GRIN2A: variants seen among roughly 807,000 people sequenced by gnomAD.
GRIN2A encodes the protein glutamate ionotropic receptor NMDA type subunit 2A.
GRIN2A carries 22 observed loss-of-function variants against 113.4 expected under a neutral mutation model. The observed-to-expected ratio is 0.19, with a 90% CI of 0.14 to 0.28. The LOEUF (loss-of-function observed/expected upper bound fraction) is 0.28. GRIN2A is among the 10% of genes least tolerant of loss of function. GRIN2A has a pLI of 1.00. For missense variants in GRIN2A, 1,502 were observed against 1,887.0 expected, an observed-to-expected ratio of 0.80 and a Z score of 3.78; for synonymous variants, 827 against 738.4, an observed-to-expected ratio of 1.12 and a Z score of -1.94.
intron 2 of GRIN2A, among the ~76,000 whole-genome samples, chr16:9,963,158 T>C (rs1051758785): frequency 1.4e-5 from 2 of 147,988 alleles, no homozygotes; most frequent in African/African-American, 4.9e-5. Context: ...TTAGGAGATA[T>C]ACCTAATGCT....
chr16:9,790,859 C>T (rs965827318), intron 11 of GRIN2A, among the ~76,000 whole-genome samples: 1 of 152,146 alleles, frequency 6.6e-6, no homozygotes, highest in Non-Finnish European at 1.5e-5. Flanking sequence ...ATGCCAAGCT[C>T]CACTGAGTCC....
intron 10 of GRIN2A, among the ~76,000 whole-genome samples, chr16:9,800,678 C>T (rs1903304743): frequency 6.6e-6 from 1 of 151,940 alleles, no homozygotes; most frequent in African/African-American, 2.4e-5. Flanking sequence ...AAGCTTTGAT[C>T]TCAAGGTAGG....
At chr16:9,898,309 G>A (rs1195793495) in intron 3 of GRIN2A, among the ~76,000 whole-genome samples, 1 of 152,086 alleles carries the variant, frequency 6.6e-6, no homozygotes, top group South Asian at 2.1e-4. Flanking sequence ...GCTTCCCCTT[G>A]CCATTTAGTA....
At chr16:9,866,303 T>G (rs1263853042) in intron 4 of GRIN2A, among the ~76,000 whole-genome samples, 1 of 152,036 alleles carries the variant, frequency 6.6e-6, no homozygotes, top group African/African-American at 2.4e-5. Flanking sequence ...GTTGTGCAGT[T>G]TGCAAAGGAC....
chr16:9,795,197 C>G (rs1380387592), intron 11 of GRIN2A, among the ~76,000 whole-genome samples: 3 of 151,972 alleles, frequency 2.0e-5, no homozygotes, highest in Admixed American at 2.0e-4. Context: ...AGGAGGTGGG[C>G]AAAAGATATA....
intron 2 of GRIN2A, among the ~76,000 whole-genome samples, chr16:10,164,770 T>A (rs1000417452): frequency 6.6e-6 from 1 of 152,200 alleles, no homozygotes; most frequent in Non-Finnish European, 1.5e-5. Flanking sequence ...ATGAGAAATA[T>A]CAAAGCAGTT....
chr16:10,103,195 T>C (rs72774202), intron 2 of GRIN2A, among the ~76,000 whole-genome samples: 4,624 of 152,076 alleles, frequency 0.03, 141 homozygotes, highest in Non-Finnish European at 0.039. Flanking sequence ...TATGGGAAAA[T>C]GTAAACTTGT....
rs568479196 is a variant in GRIN2A at position 9,787,212 on chromosome 16, G to A, written c.2356+11065C>T. Among the ~76,000 whole-genome samples, 33 of 143,368 alleles carry A rather than the reference G, an allele frequency of 2.3e-4. 1 individual carries two copies. In the South Asian group the frequency reaches 6.9e-3, roughly 30 times the overall value. The allele number at this position is 143,368 out of a possible 152,430, so 94.1% of individuals were successfully genotyped here. ...CTTGAAGAGACTATCTGAGAATCCA[G>A]CATCTTTTAGAGGTCTGAATAGAAA... On this transcript the variant is annotated intron_variant, in intron 11 of 12. Coordinates refer to ENST00000330684, the MANE Select transcript of GRIN2A (RefSeq NM_001134407.3).
At chr16:9,950,405 A>G in intron 2 of GRIN2A, among the ~76,000 whole-genome samples, 1 of 152,080 alleles carries the variant, frequency 6.6e-6, no homozygotes. Context: ...GCCAAGGTAG[A>G]AAAAAGAAAC....
intron 2 of GRIN2A, chr16:10,112,329 G>A (rs1567307349): frequency 7.7e-6 from 5 of 651,232 alleles, no homozygotes; most frequent in Non-Finnish European, 1.1e-5. Context: ...TGACACTGGT[G>A]TGGATGGACT....
intron 2 of GRIN2A, among the ~76,000 whole-genome samples, chr16:10,128,351 G>A (rs1195570962): frequency 2.0e-5 from 3 of 152,206 alleles, no homozygotes; most frequent in Non-Finnish European, 4.4e-5. Flanking sequence ...TCCAAGTGAT[G>A]TCAGAAATGA....
At chr16:9,779,353 C>A (rs1236681690) in intron 11 of GRIN2A, among the ~76,000 whole-genome samples, 1 of 152,206 alleles carries the variant, frequency 6.6e-6, no homozygotes, top group East Asian at 1.9e-4. Context: ...TTTTCAGTTT[C>A]TTTTTTATCG....
chr16:9,779,032 C>G (rs1319444631), intron 11 of GRIN2A, among the ~76,000 whole-genome samples: 1 of 152,190 alleles, frequency 6.6e-6, no homozygotes, highest in Admixed American at 6.5e-5. Context: ...TCACACAAGG[C>G]AAGAATGAAG....
At chr16:10,027,077 T>C (rs1418010792) in intron 2 of GRIN2A, among the ~76,000 whole-genome samples, 1 of 152,246 alleles carries the variant, frequency 6.6e-6, no homozygotes, top group African/African-American at 2.4e-5. Flanking sequence ...GTTATGTTTC[T>C]GTTGGCCTCT....
intron 2 of GRIN2A, among the ~76,000 whole-genome samples, chr16:10,094,596 C>G (rs1037238433): frequency 1.3e-5 from 2 of 152,006 alleles, no homozygotes. Flanking sequence ...AGTACAGGCA[C>G]CCACCACAAT....
intron 3 of GRIN2A, chr16:9,937,572 A>T (rs774403206): frequency 1.2e-4 from 28 of 238,156 alleles, no homozygotes; most frequent in Non-Finnish European, 2.0e-4. Flanking sequence ...CTAAATCATG[A>T]TACCATGATA....
intron 11 of GRIN2A, among the ~76,000 whole-genome samples, chr16:9,784,568 A>T (rs1332474494): frequency 6.6e-6 from 1 of 152,172 alleles, no homozygotes; most frequent in African/African-American, 2.4e-5. Flanking sequence ...AGCAATGGCA[A>T]CAAAAGCCAA....
chr16:9,768,318 C>G (rs1383854684), intron 12 of GRIN2A, among the ~76,000 whole-genome samples: 1 of 152,136 alleles, frequency 6.6e-6, no homozygotes, highest in Non-Finnish European at 1.5e-5. Context: ...TCCCAAAGTG[C>G]TGGGATTATA....
intron 4 of GRIN2A, among the ~76,000 whole-genome samples, chr16:9,864,724 A>G (rs185413695): frequency 5.3e-5 from 8 of 152,282 alleles, no homozygotes; most frequent in Non-Finnish European, 8.8e-5. Flanking sequence ...GGAGGTATCA[A>G]TCAGTGGAAC....
Sources: gnomAD v4.1 joint callset for allele counts (sites outside exome capture counted in the v4.1 genomes callset) on GRCh38, gnomAD v4.1.1 for gene constraint, MANE v1.5 for transcripts, NCBI Gene and HGNC (gene_info 2026-07-23, HGNC 2026-07-21) for gene names.